Variants in RANBP2 observed in about 807,000 individuals in gnomAD.
RANBP2 encodes RAN binding protein 2, also known as E3 SUMO-protein ligase RanBP2.
RANBP2 carries 57 observed loss-of-function variants against 303.6 expected under a neutral mutation model. The ratio of observed to expected loss-of-function variants is 0.19; its 90% CI spans 0.15 to 0.23. RANBP2 has a LOEUF of 0.23. Among genes scored for constraint, RANBP2 ranks in the 10% least tolerant of loss-of-function variants. The pLI, the probability that RANBP2 is intolerant of heterozygous loss-of-function variation, is 1.00. For synonymous variants in RANBP2, 1,167 were observed against 1,301.5 expected, an observed-to-expected ratio of 0.90 and a Z score of 2.23; for missense variants, 3,138 against 3,780.8, an observed-to-expected ratio of 0.83 and a Z score of 4.46.
the RANBP2 span, among the ~76,000 whole-genome samples, chr2:109,194,542 A>G: frequency 2.0e-5 from 3 of 152,186 alleles, no homozygotes; most frequent in Admixed American, 2.0e-4. Flanking sequence ...GCAGCACTGA[A>G]GGGCGAGGAG....
chr2:109,101,355 G>A, the RANBP2 span, among the ~76,000 whole-genome samples: 5 of 151,868 alleles, frequency 3.3e-5, no homozygotes, highest in Admixed American at 1.3e-4. Flanking sequence ...TGAAACCCCC[G>A]TCTCTACTGA....
At chr2:108,830,273 A>T in the RANBP2 span, among the ~76,000 whole-genome samples, 1 of 152,244 alleles carries the variant, frequency 6.6e-6, no homozygotes, top group Non-Finnish European at 1.5e-5. Context: ...ATGGAGAGTT[A>T]TTATTTAATG....
chr2:109,243,493 A>G, the RANBP2 span, among the ~76,000 whole-genome samples: 1 of 152,218 alleles, frequency 6.6e-6, no homozygotes. Context: ...GCCAATGAAC[A>G]GGAAATGCTC....
At chr2:109,506,847 A>G in the RANBP2 span, among the ~76,000 whole-genome samples, 1 of 152,136 alleles carries the variant, frequency 6.6e-6, no homozygotes, top group Non-Finnish European at 1.5e-5. Context: ...CTGCTATCAT[A>G]TTGTTTCAAA....
the RANBP2 span, among the ~76,000 whole-genome samples, chr2:109,111,571 T>C: frequency 3.9e-5 from 6 of 151,928 alleles, no homozygotes; most frequent in Non-Finnish European, 1.5e-5. Context: ...ACTCCCTGCA[T>C]TTTGGAGATG....
the RANBP2 span, among the ~76,000 whole-genome samples, chr2:109,000,393 G>C: frequency 1.2e-4 from 18 of 152,106 alleles, no homozygotes; most frequent in Admixed American, 1.0e-3. Context: ...CAGGCATAAT[G>C]GTGTGCACCT....
chr2:109,384,425 G>A, the RANBP2 span, among the ~76,000 whole-genome samples: 1 of 152,048 alleles, frequency 6.6e-6, no homozygotes, highest in African/African-American at 2.4e-5. Context: ...GGGCAGGGAG[G>A]GAGCAGGTCC....
chr2:108,846,829 A>G, the RANBP2 span: 1 of 1,613,214 alleles, frequency 6.2e-7, no homozygotes, highest in South Asian at 1.1e-5. Flanking sequence ...TCTCCACAGC[A>G]TTCTGTGGAG....
the RANBP2 span, among the ~76,000 whole-genome samples, chr2:108,927,356 G>T: frequency 6.6e-6 from 1 of 152,184 alleles, no homozygotes; most frequent in African/African-American, 2.4e-5. Context: ...AGAGCAGCCT[G>T]CCCACTAATT....
the RANBP2 span, among the ~76,000 whole-genome samples, chr2:109,633,825 G>A: frequency 2.0e-5 from 3 of 152,066 alleles, no homozygotes; most frequent in Admixed American, 6.6e-5. Flanking sequence ...CAGATGGGTT[G>A]ATGTGCAAAA....
the RANBP2 span, among the ~76,000 whole-genome samples, chr2:109,216,626 G>T: frequency 6.6e-6 from 1 of 152,192 alleles, no homozygotes; most frequent in African/African-American, 2.4e-5. Context: ...TGCTCTGTAG[G>T]CTGATGGGTG....
At chr2:109,167,166 T>C in the RANBP2 span, among the ~76,000 whole-genome samples, 1 of 152,360 alleles carries the variant, frequency 6.6e-6, no homozygotes, top group African/African-American at 2.4e-5. Flanking sequence ...GGGATTTCAT[T>C]TTTCCATTTT....
the RANBP2 span, among the ~76,000 whole-genome samples, chr2:109,218,335 T>C: frequency 6.6e-6 from 1 of 152,180 alleles, no homozygotes; most frequent in African/African-American, 2.4e-5. Context: ...TTCTTCTACT[T>C]CACCAGAATT....
At chr2:108,827,523 A>G in the RANBP2 span, among the ~76,000 whole-genome samples, 1 of 152,234 alleles carries the variant, frequency 6.6e-6, no homozygotes, top group Non-Finnish European at 1.5e-5. Context: ...ATGTAACAAT[A>G]AAAATGATTT....
downstream of RANBP2, chr2:108,788,891 C>T (rs1457543526): frequency 1.2e-6 from 2 of 1,613,868 alleles, no homozygotes; most frequent in African/African-American, 1.3e-5. Context: ...GTTGGTTCAT[C>T]GTTAAAATAT....
chr2:109,767,550 A>G, the RANBP2 span, among the ~76,000 whole-genome samples: 29 of 146,472 alleles, frequency 2.0e-4, 1 homozygote, highest in African/African-American at 4.3e-4. Context: ...CAGTGTTTAT[A>G]TCAGAGTAAG....
At chr2:108,934,718 C>G in the RANBP2 span, among the ~76,000 whole-genome samples, 1 of 152,266 alleles carries the variant, frequency 6.6e-6, no homozygotes, top group East Asian at 1.9e-4. Context: ...AGCCCACTCT[C>G]GAGATAACGA....
chr2:108,748,133 G>A (rs1439423450), intron 8 of RANBP2, among the ~76,000 whole-genome samples: 2 of 151,880 alleles, frequency 1.3e-5, no homozygotes, highest in Non-Finnish European at 2.9e-5. Flanking sequence ...TACTTTATCC[G>A]AGACTATGAT....
the RANBP2 span, chr2:109,564,442 G>T: frequency 4.4e-6 from 7 of 1,598,862 alleles, no homozygotes; most frequent in Non-Finnish European, 6.0e-6. Flanking sequence ...AGCTCATAGT[G>T]CCTGGTATGG....
Sources: allele counts gnomAD v4.1 joint callset (sites outside exome capture counted in the v4.1 genomes callset), GRCh38; gene constraint gnomAD v4.1.1; transcripts MANE v1.5; gene names NCBI Gene and HGNC (gene_info 2026-07-23, HGNC 2026-07-21).